PLPPR5: variants seen among roughly 807,000 people sequenced by gnomAD.
PLPPR5 encodes the protein phospholipid phosphatase related 5.
In PLPPR5, 16 loss-of-function variants were observed where a neutral mutation model predicts 33.9. That is an observed-to-expected ratio of 0.47 (90% CI 0.32 to 0.72). The LOEUF (loss-of-function observed/expected upper bound fraction) is 0.72. PLPPR5 is among the 30% of genes least tolerant of loss of function. The pLI is 0.03. For missense variants in PLPPR5, 301 were observed against 406.7 expected (o/e 0.74, Z 2.23); for synonymous variants, 163 against 150.3 (o/e 1.08, Z -0.62).
intron 3 of PLPPR5, among the ~76,000 whole-genome samples, chr1:98,930,015 C>G (rs143526858): frequency 0.013 from 2,054 of 152,256 alleles, 18 homozygotes; most frequent in Non-Finnish European, 0.017. Context: ...TGCTATAATT[C>G]TATCCCATCA....
chr1:98,953,392 T>TGTGTGA (rs1553169382), intron 2 of PLPPR5, 72 bp from the exon 3 acceptor site: 223,878 of 1,442,746 alleles, frequency 0.16, 8,358 homozygotes, highest in East Asian at 0.27. Context: ...TGTGTGTGTG[T>TGTGTGA]GTGAATTTCA....
At chr1:98,933,532 A>G (rs930439621) in intron 3 of PLPPR5, among the ~76,000 whole-genome samples, 2 of 152,048 alleles carry the variant, frequency 1.3e-5, no homozygotes, top group Non-Finnish European at 2.9e-5. Context: ...AGGATTATGA[A>G]ACTGAGCTGT....
At chr1:98,987,236 G>A (rs75268862) in intron 1 of PLPPR5, among the ~76,000 whole-genome samples, 55 of 151,900 alleles carry the variant, frequency 3.6e-4, no homozygotes, top group Non-Finnish European at 7.7e-4. Flanking sequence ...CTAAGGATAT[G>A]TCTCTTATGT....
intron 3 of PLPPR5, among the ~76,000 whole-genome samples, chr1:98,943,725 T>C (rs1054175972): frequency 3.9e-5 from 6 of 152,246 alleles, no homozygotes; most frequent in Non-Finnish European, 8.8e-5. Context: ...GAAGATTTAA[T>C]GTCACCTCTC....
upstream of PLPPR5, chr1:99,004,951 C>G (rs1653023900): frequency 6.1e-6 from 1 of 163,594 alleles, no homozygotes. Flanking sequence ...CGCGGGGTCG[C>G]GAGGGAGGGC....
chr1:98,919,496 G>A (rs2101158279), intron 4 of PLPPR5, among the ~76,000 whole-genome samples: 1 of 152,306 alleles, frequency 6.6e-6, no homozygotes, highest in East Asian at 1.9e-4. Flanking sequence ...CAGAGCTGGA[G>A]TTACTGCTCA....
Position 99,004,681 on chromosome 1 carries a change from C to G in PLPPR5, c.-10G>C. The G allele has an allele frequency of 6.4e-7, 1 of 1,574,232 alleles. No homozygotes were observed. The highest frequency in any genetic ancestry group is 8.6e-7 in the Non-Finnish European group (1 of 1,161,142). On this transcript the variant is annotated 5_prime_UTR_variant, in exon 1 of 6. Coordinates refer to ENST00000263177, the MANE Select transcript of PLPPR5 (RefSeq NM_001037317.2). ...CGGGCAGCAGGGGCATGCACGCCTC[C>G]CGGGCCGGGCCGAGCCGAGCCGAGC...
At chr1:98,924,675 C>A (rs751196263) in intron 3 of PLPPR5, among the ~76,000 whole-genome samples, 2 of 152,140 alleles carry the variant, frequency 1.3e-5, no homozygotes, top group South Asian at 2.1e-4. Flanking sequence ...TTGTATGAGA[C>A]CATAGTAAAA....
rs565241684 is a variant in PLPPR5 at position 98,945,800 on chromosome 1, C to T, written c.621+7270G>A. Among the ~76,000 whole-genome samples, 267 of 152,272 alleles carry T rather than the reference C, an allele frequency of 1.8e-3. 1 individual carries two copies. Among genetic ancestry groups the T allele is most frequent in the Middle Eastern group, 3.4e-3 (1 of 294 alleles). ...CAGCAGAACAATTGGACCATGAACT[C>T]GGCCACATTTAGCCATAGTGTAAGT... On this transcript the variant is annotated intron_variant, in intron 3 of 5. Transcript: ENST00000263177.
chr1:99,000,531 G>A (rs550331380), intron 1 of PLPPR5, among the ~76,000 whole-genome samples: 24 of 152,262 alleles, frequency 1.6e-4, no homozygotes, highest in African/African-American at 5.3e-4. Flanking sequence ...ACCAACTGCT[G>A]TTTCAAGAGT....
At chr1:98,922,198 G>T in intron 3 of PLPPR5, 140 bp from the exon 4 acceptor site, 2 of 834,620 alleles carry the variant, frequency 2.4e-6, no homozygotes, top group Non-Finnish European at 3.5e-6. Flanking sequence ...AGTTTATGAA[G>T]TTTTTGAAAT....
chr1:98,993,791 C>T (rs1404739919), intron 1 of PLPPR5, among the ~76,000 whole-genome samples: 1 of 151,882 alleles, frequency 6.6e-6, no homozygotes, highest in African/African-American at 2.4e-5. Context: ...TGAGAAAATG[C>T]TAAATATGAA....
intron 1 of PLPPR5, among the ~76,000 whole-genome samples, chr1:98,959,438 C>G (rs1256251778): frequency 6.6e-6 from 1 of 152,206 alleles, no homozygotes; most frequent in African/African-American, 2.4e-5. Context: ...ACTATGTTAA[C>G]TAAAATAGTA....
chr1:98,971,786 A>G (rs1419590514), intron 1 of PLPPR5, among the ~76,000 whole-genome samples: 1 of 152,096 alleles, frequency 6.6e-6, no homozygotes, highest in African/African-American at 2.4e-5. Context: ...TTTTAGAAGC[A>G]GACTCTCTCT....
chr1:98,937,315 C>T (rs1286979397), intron 3 of PLPPR5, among the ~76,000 whole-genome samples: 6 of 152,358 alleles, frequency 3.9e-5, no homozygotes, highest in South Asian at 4.1e-4. Flanking sequence ...ATGGCTATAA[C>T]AGTCTCTAAC....
chr1:98,937,129 G>A (rs1650197969), intron 3 of PLPPR5, among the ~76,000 whole-genome samples: 1 of 152,144 alleles, frequency 6.6e-6, no homozygotes, highest in Non-Finnish European at 1.5e-5. Context: ...ACTAAGGGTG[G>A]GCATAGCAGC....
intron 1 of PLPPR5, among the ~76,000 whole-genome samples, chr1:98,967,107 ATAAT>A (rs755825194): frequency 1.3e-5 from 2 of 152,146 alleles, no homozygotes; most frequent in African/African-American, 2.4e-5. Context: ...ATTCAAACAA[ATAAT>A]TATTATGTAC....
chr1:98,893,108 C>A lies in PLPPR5; in HGVS notation c.934-4G>T, dbSNP rs61510532. ...CTGCGAAGGCAGTGATGTGGTTCTGCAAAAAGAAAAAGGAATGACAAAGTG... is the reference window on the plus strand; with the variant it reads ...CTGCGAAGGCAGTGATGTGGTTCTGAAAAAAGAAAAAGGAATGACAAAGTG... On this transcript the variant is annotated splice_polypyrimidine_tract_variant and splice_region_variant and intron_variant, in intron 5 of 5. Coordinates refer to ENST00000263177, the MANE Select transcript of PLPPR5 (RefSeq NM_001037317.2). 9.3e-3 allele frequency: 14,968 copies of A among 1,609,440 alleles called. 1,076 individuals are homozygous for A. The African/African-American group carries it at 0.16, about 18-fold the overall frequency.
intron 4 of PLPPR5, among the ~76,000 whole-genome samples, chr1:98,919,499 A>T (rs1193458843): frequency 6.6e-6 from 1 of 152,200 alleles, no homozygotes; most frequent in Non-Finnish European, 1.5e-5. Context: ...AGCTGGAGTT[A>T]CTGCTCAGAA....
Sources: allele counts gnomAD v4.1 joint callset (sites outside exome capture counted in the v4.1 genomes callset), GRCh38; gene constraint gnomAD v4.1.1; transcripts MANE v1.5; gene names NCBI Gene and HGNC (gene_info 2026-07-23, HGNC 2026-07-21).